Variants in IDH1 observed in about 807,000 individuals in gnomAD.
IDH1 encodes the protein isocitrate dehydrogenase (NADP(+)) 1.
In IDH1, 33 loss-of-function variants were observed where a neutral mutation model predicts 46.1. That is an observed-to-expected ratio of 0.72 (90% CI 0.54 to 0.96). IDH1 has a LOEUF of 0.96. Ranked by LOEUF, IDH1 falls within the 40% of genes least tolerant of loss-of-function variation. The pLI, the probability that IDH1 is intolerant of heterozygous loss-of-function variation, is 0.00. For missense variants in IDH1, 421 were observed against 515.7 expected, an observed-to-expected ratio of 0.82 and a Z score of 1.78; for synonymous variants, 144 against 172.8, an observed-to-expected ratio of 0.83 and a Z score of 1.31.
chr2:208,252,331 C>T (rs1425395779), intron 2 of IDH1, among the ~76,000 whole-genome samples: 1 of 152,246 alleles, frequency 6.6e-6, no homozygotes, highest in Non-Finnish European at 1.5e-5. Context: ...CTTCTTCTGG[C>T]TGTTCACAGG....
chr2:208,247,225 G>A (rs190258672), intron 4 of IDH1, among the ~76,000 whole-genome samples: 2 of 152,282 alleles, frequency 1.3e-5, no homozygotes, highest in Non-Finnish European at 2.9e-5. Flanking sequence ...CAGCATGAGA[G>A]ATTCCTGTTT....
intron 1 of IDH1, among the ~76,000 whole-genome samples, 172 bp downstream of exon 1, chr2:208,254,767 T>A (rs1441735991): frequency 2.0e-5 from 3 of 151,894 alleles, no homozygotes; most frequent in Admixed American, 6.6e-5. Flanking sequence ...CCTTCCCTTT[T>A]CTTTTCCCAT....
At chr2:208,247,151 G>A (rs1170796421) in intron 4 of IDH1, among the ~76,000 whole-genome samples, 1 of 152,008 alleles carries the variant, frequency 6.6e-6, no homozygotes, top group East Asian at 1.9e-4. Context: ...GACCCCTCAA[G>A]GACTAAACTG....
At chr2:208,238,268 C>T (rs1292298171) in intron 9 of IDH1, among the ~76,000 whole-genome samples, 1 of 152,034 alleles carries the variant, frequency 6.6e-6, no homozygotes, top group Non-Finnish European at 1.5e-5. Context: ...ATCTCCTGAC[C>T]TCGTGATCCA....
chr2:208,242,803 C>T (rs570089018), intron 6 of IDH1, among the ~76,000 whole-genome samples: 41 of 149,216 alleles, frequency 2.7e-4, no homozygotes, highest in Admixed American at 1.9e-3. Flanking sequence ...CTCGCTCTGT[C>T]GCCCAGGCTG....
intron 9 of IDH1, among the ~76,000 whole-genome samples, chr2:208,238,709 G>A (rs1033910514): frequency 2.0e-5 from 3 of 151,976 alleles, no homozygotes; most frequent in African/African-American, 4.8e-5. Flanking sequence ...GAACCTTTTC[G>A]TTCAATGATT....
At chr2:208,243,129 A>G (rs1687951736) in intron 6 of IDH1, among the ~76,000 whole-genome samples, 1 of 152,176 alleles carries the variant, frequency 6.6e-6, no homozygotes, top group Admixed American at 6.5e-5. Flanking sequence ...TTAGAAACTC[A>G]CACATGAAAA....
In IDH1 at chr2:208,248,623, C is replaced by T. The variant is rs754316078; in HGVS notation, c.160G>A (p.Asp54Asn). 5 of 1,614,118 alleles carry T rather than the reference C, an allele frequency of 3.1e-6. No individual in the cohort carries two copies. Among genetic ancestry groups the T allele is most frequent in the East Asian group, 4.5e-5 (2 of 44,886 alleles). ...LGIENRDATN[D>N]QVTKDAAEAI... Reference sequence around the variant, plus strand: ...TCTGCAGCATCCTTGGTGACTTGGTCGTTGGTGGCATCACGATTCTCTATG... The same window carrying T: ...TCTGCAGCATCCTTGGTGACTTGGTTGTTGGTGGCATCACGATTCTCTATG... The change falls in exon 4 of 10, where the codon GAC becomes AAC. Residue 54 changes from aspartate to asparagine, a missense_variant. By Grantham distance (23) the Asp-to-Asn change is conservative. Coordinates refer to ENST00000345146, the MANE Select transcript of IDH1 (RefSeq NM_005896.4).
At chr2:208,252,753 G>A (rs932907406) in intron 2 of IDH1, among the ~76,000 whole-genome samples, 7 of 152,170 alleles carry the variant, frequency 4.6e-5, no homozygotes, top group Admixed American at 2.6e-4. Context: ...GACAGTAAGC[G>A]TCTGTTTCTT....
At chr2:208,248,774 A>G (rs1313082325) in intron 3 of IDH1, 114 bp from the exon 4 acceptor site, 3 of 989,996 alleles carry the variant, frequency 3.0e-6, no homozygotes, top group African/African-American at 3.2e-5. Flanking sequence ...CTCTGAGTAC[A>G]CCAAAATCTG....
chr2:208,252,919 T>C (rs769656344), intron 2 of IDH1, among the ~76,000 whole-genome samples: 1 of 152,174 alleles, frequency 6.6e-6, no homozygotes, highest in Non-Finnish European at 1.5e-5. Flanking sequence ...TGTGGATGAG[T>C]CAATTACTTC....
intron 5 of IDH1, 51 bp downstream of exon 5, chr2:208,245,268 C>A (rs1446322): frequency 1.1e-6 from 1 of 918,720 alleles, no homozygotes; most frequent in Non-Finnish European, 1.8e-6. Flanking sequence ...AAAATATTAT[C>A]TAAATCATTT....
rs951524177 is a variant in IDH1 at position 208,236,853 on chromosome 2, A to G, written c.*226T>C. 35 of 528,862 alleles carry G rather than the reference A, an allele frequency of 6.6e-5. No individual in the cohort carries two copies. The highest frequency in any genetic ancestry group is 1.1e-4 in the Non-Finnish European group (32 of 298,936). 32.8% of individuals were successfully genotyped at this position (528,862 alleles called of 1,614,324 possible). A position where few individuals can be genotyped will look rare whatever the true frequency, so the allele number is the denominator to read the frequency against. ...CTAACCGAATTCCTAGGCTGGTACTAGAAAATAAAATAAAAATTGTAAAAA... is the reference window on the plus strand; with the variant it reads ...CTAACCGAATTCCTAGGCTGGTACTGGAAAATAAAATAAAAATTGTAAAAA... On this transcript the variant is annotated 3_prime_UTR_variant, in exon 10 of 10. Coordinates refer to ENST00000345146, the MANE Select transcript of IDH1 (RefSeq NM_005896.4).
intron 1 of IDH1, among the ~76,000 whole-genome samples, chr2:208,254,609 A>C (rs1369214373): frequency 6.6e-6 from 1 of 152,152 alleles, no homozygotes; most frequent in Non-Finnish European, 1.5e-5. Context: ...TTCTACATGC[A>C]TTCTTGCAAC....
intron 7 of IDH1, among the ~76,000 whole-genome samples, chr2:208,241,284 G>T (rs1687915070): frequency 6.6e-6 from 1 of 152,142 alleles, no homozygotes. Flanking sequence ...GAGTATAGTG[G>T]CGTGATCTCA....
chr2:208,241,933 C>T (rs1414901258), intron 7 of IDH1, 61 bp downstream of exon 7: 5 of 1,576,544 alleles, frequency 3.2e-6, no homozygotes, highest in Non-Finnish European at 4.4e-6. Flanking sequence ...ACTCCCCTTC[C>T]CAAATTAGAG....
rs187374187 is a variant in IDH1, at chr2:208,242,237, A to G, written c.699-92T>C. 1.8e-5 allele frequency: 21 copies of G among 1,176,922 alleles called. No homozygotes were observed. In the Admixed American group the frequency reaches 2.5e-4, roughly 14 times the overall value. The allele number at this position is 1,176,922 out of a possible 1,614,324, so 72.9% of individuals were successfully genotyped here. On this transcript the variant is annotated intron_variant, in intron 6 of 9. Transcript: ENST00000345146. ...TTGTCCCAAACAGAAGACCGGACAC[A>G]CAAGAAGCAGCATATTTTAGTAGAA...
chr2:208,240,153 A>T, intron 7 of IDH1, 150 bp from the exon 8 acceptor site: 5 of 798,220 alleles, frequency 6.3e-6, no homozygotes, highest in Non-Finnish European at 1.1e-5. Context: ...TCTGCCTTTC[A>T]GAAGGCAGGA....
Position 208,236,296 on chromosome 2 carries a change from A to G in IDH1, c.*783T>C, listed in dbSNP as rs1687808026. 1 of 221,444 alleles carries G rather than the reference A, an allele frequency of 4.5e-6. No homozygotes were observed. Among genetic ancestry groups the G allele is most frequent in the East Asian group, 6.7e-5 (1 of 14,980 alleles). 13.7% of individuals were successfully genotyped at this position (221,444 alleles called of 1,614,324 possible). Reference sequence around the variant, plus strand: ...AGAAGATAAGATAGTGTTTAATATCAATTTCTGAGAAATCACATTTATATA... The same window carrying G: ...AGAAGATAAGATAGTGTTTAATATCGATTTCTGAGAAATCACATTTATATA... On this transcript the variant is annotated 3_prime_UTR_variant, in exon 10 of 10. Coordinates refer to ENST00000345146, the MANE Select transcript of IDH1 (RefSeq NM_005896.4).
Sources: allele counts gnomAD v4.1 joint callset (sites outside exome capture counted in the v4.1 genomes callset), GRCh38; gene constraint gnomAD v4.1.1; transcripts MANE v1.5; gene names NCBI Gene and HGNC (gene_info 2026-07-23, HGNC 2026-07-21).